Variants in VWA8 observed in about 807,000 individuals in gnomAD.
The protein encoded by VWA8 is von Willebrand factor A domain containing 8, also known as von Willebrand factor A domain-containing protein 8.
A neutral mutation model predicts 241.5 loss-of-function variants in VWA8; 221 were observed. That is an observed-to-expected ratio of 0.91 (90% CI 0.82 to 1.02). VWA8 has a LOEUF of 1.02. Among genes scored for constraint, VWA8 ranks in the 50% least tolerant of loss-of-function variants. The probability of loss-of-function intolerance (pLI) is 0.00; values close to 1 mark genes in which losing one functional copy is unlikely to be tolerated. For synonymous variants in VWA8, 852 were observed against 827.1 expected (o/e 1.03, Z -0.52); for missense variants, 2,322 against 2,328.7 (o/e 1.00, Z 0.06).
intron 4 of VWA8, among the ~76,000 whole-genome samples, chr13:41,897,686 T>G (rs1875183911): frequency 6.6e-6 from 1 of 152,134 alleles, no homozygotes; most frequent in Admixed American, 6.5e-5. Flanking sequence ...TTCCTCCCGG[T>G]GGGCTCGTGG....
chr13:41,865,768 C>CT lies in VWA8; in HGVS notation c.1392dup (p.Gly465ArgfsTer17), dbSNP rs1873262103. On this transcript the variant is annotated frameshift_variant, in exon 12 of 45. Coordinates refer to ENST00000379310, the MANE Select transcript of VWA8 (RefSeq NM_015058.2). LOFTEE classifies it high-confidence loss of function. The stretch of plus-strand genomic sequence containing the variant: ...AGCATAATAGGTTCTATGTTGTATC[C>CT]TAAGGTATCGGCAAAGTTCTTAGCG... 1.2e-6 allele frequency: 2 copies of CT among 1,613,974 alleles called. No homozygotes were observed. The highest frequency in any genetic ancestry group is 1.7e-6 in the Non-Finnish European group (2 of 1,180,036).
intron 19 of VWA8, 21 bp from the exon 20 acceptor site, chr13:41,778,077 G>A (rs550323423): frequency 1.9e-6 from 3 of 1,588,604 alleles, no homozygotes; most frequent in African/African-American, 2.7e-5. Flanking sequence ...AGGAACTAGG[G>A]GTTAACTGTT....
At chr13:41,646,780 G>C (rs1211919421) in intron 37 of VWA8, among the ~76,000 whole-genome samples, 1 of 152,194 alleles carries the variant, frequency 6.6e-6, no homozygotes, top group Non-Finnish European at 1.5e-5. Flanking sequence ...TTAGATTAAA[G>C]GGCTAGCATA....
At chr13:41,959,863 C>T (rs1161940228) in intron 1 of VWA8, among the ~76,000 whole-genome samples, 2 of 152,148 alleles carry the variant, frequency 1.3e-5, no homozygotes, top group African/African-American at 4.8e-5. Context: ...CCGCCTCAGC[C>T]TCCCAAAGTG....
At chr13:41,857,573 T>C (rs955886236) in intron 12 of VWA8, among the ~76,000 whole-genome samples, 4 of 152,352 alleles carry the variant, frequency 2.6e-5, no homozygotes, top group African/African-American at 9.6e-5. Context: ...TTTACAAGTA[T>C]GAGTAACACT....
intron 43 of VWA8, 88 bp from the exon 44 acceptor site, chr13:41,570,794 G>T: frequency 8.9e-7 from 1 of 1,120,212 alleles, no homozygotes; most frequent in Non-Finnish European, 1.3e-6. Context: ...CCATGAGCAT[G>T]CATACATACC....
Position 41,699,145 on chromosome 13 carries a change from C to G in VWA8, c.3490G>C (p.Val1164Leu). The G allele has an allele frequency of 6.2e-7, 1 of 1,614,110 alleles. No individual in the cohort carries two copies. The highest frequency in any genetic ancestry group is 1.1e-5 in the South Asian group (1 of 91,076). Residue 1164 changes from valine (V) to leucine (L), a missense_variant, in exon 29 of 45, where the codon GTT becomes CTT. Physicochemically the swap from Val to Leu is conservative, Grantham distance 32. Transcript: ENST00000379310. ...FDIFPRTANG[V>L]WHPFVTVAPL... ...GCCACTGTCACAAAAGGGTGCCAAA[C>G]GCCATTGGCTGTTCTTGGGAAGATA...
intron 17 of VWA8, among the ~76,000 whole-genome samples, chr13:41,805,362 A>C (rs1022299680): frequency 2.0e-5 from 3 of 152,244 alleles, no homozygotes; most frequent in Non-Finnish European, 2.9e-5. Context: ...ATTCAGCAAG[A>C]GCATATAACA....
chr13:41,912,768 A>T (rs751884624), intron 2 of VWA8, among the ~76,000 whole-genome samples: 11 of 152,198 alleles, frequency 7.2e-5, no homozygotes, highest in Non-Finnish European at 2.9e-5. Flanking sequence ...TCTATACCAA[A>T]TTCTTTTGTG....
intron 44 of VWA8, among the ~76,000 whole-genome samples, chr13:41,569,326 G>A (rs2044284417): frequency 6.6e-6 from 1 of 152,210 alleles, no homozygotes; most frequent in African/African-American, 2.4e-5. Flanking sequence ...CTTGTTGTCT[G>A]CCTAATACTG....
intron 42 of VWA8, among the ~76,000 whole-genome samples, chr13:41,578,643 G>C (rs562735302): frequency 1.3e-5 from 2 of 152,134 alleles, no homozygotes; most frequent in South Asian, 4.1e-4. Context: ...CAACTTGACA[G>C]GGCCTCGAGC....
At chr13:41,742,864 T>A (rs1364328953) in intron 21 of VWA8, among the ~76,000 whole-genome samples, 45 of 152,292 alleles carry the variant, frequency 3.0e-4, no homozygotes, top group Admixed American at 2.9e-3. Context: ...ATAGAAAGGC[T>A]CTTTTGCACC....
intron 14 of VWA8, among the ~76,000 whole-genome samples, chr13:41,828,720 C>T (rs954945350): frequency 4.6e-5 from 7 of 151,944 alleles, no homozygotes; most frequent in African/African-American, 1.5e-4. Flanking sequence ...TTACTTTATC[C>T]CTTAAGTATC....
At chr13:41,848,033 A>G (rs1872364340) in intron 12 of VWA8, among the ~76,000 whole-genome samples, 3 of 152,212 alleles carry the variant, frequency 2.0e-5, no homozygotes, top group African/African-American at 4.8e-5. Flanking sequence ...TCATGGTTAC[A>G]GTAGATCCTG....
chr13:41,610,701 C>T (rs533146517), intron 39 of VWA8, among the ~76,000 whole-genome samples: 1 of 152,300 alleles, frequency 6.6e-6, no homozygotes, highest in East Asian at 1.9e-4. Context: ...TTTCATGCAG[C>T]ACAAAAATGT....
At chr13:41,573,108 CAAAAAAAA>C (rs71086585) in intron 43 of VWA8, among the ~76,000 whole-genome samples, 2 of 72,410 alleles carry the variant, frequency 2.8e-5, no homozygotes, top group African/African-American at 4.7e-5. Context: ...GACACCGTTT[CAAAAAAAA>C]AAAAAAAAAA....
chr13:41,872,265 A>C (rs1384388756), intron 9 of VWA8, among the ~76,000 whole-genome samples: 4 of 151,980 alleles, frequency 2.6e-5, no homozygotes, highest in South Asian at 2.1e-4. Context: ...TTGCCTGTTC[A>C]CTCTGATGGT....
intron 21 of VWA8, among the ~76,000 whole-genome samples, chr13:41,744,201 C>A (rs2045587808): frequency 6.6e-6 from 1 of 152,192 alleles, no homozygotes; most frequent in Admixed American, 6.5e-5. Flanking sequence ...TTTTCACTGG[C>A]CTTATCCTGA....
At chr13:41,700,886 G>T (rs371879037) in intron 28 of VWA8, among the ~76,000 whole-genome samples, 4 of 152,152 alleles carry the variant, frequency 2.6e-5, no homozygotes, top group African/African-American at 9.7e-5. Context: ...CAGCAGTTGA[G>T]GAACTTCTGC....
Sources: allele counts gnomAD v4.1 joint callset (sites outside exome capture counted in the v4.1 genomes callset), GRCh38; gene constraint gnomAD v4.1.1; transcripts MANE v1.5; gene names NCBI Gene and HGNC (gene_info 2026-07-23, HGNC 2026-07-21).